The following TMEM233 variants were observed in gnomAD, a reference collection of about 807,000 sequenced individuals.
The protein encoded by TMEM233 is dispanin subfamily B member 2.
TMEM233 carries 6 observed loss-of-function variants against 11.2 expected under a neutral mutation model. The observed-to-expected ratio is 0.54, with a 90% CI of 0.29 to 1.06. The LOEUF (loss-of-function observed/expected upper bound fraction) is 1.06, where lower values mean the gene tolerates loss of function less well. Among genes scored for constraint, TMEM233 ranks in the 50% least tolerant of loss-of-function variants. The pLI, the probability that TMEM233 is intolerant of heterozygous loss-of-function variation, is 0.08. For missense variants in TMEM233, 127 were observed against 144.7 expected (o/e 0.88, Z 0.63); for synonymous variants, 59 against 55.8 (o/e 1.06, Z -0.26).
At chr12:119,615,601 A>G (rs1042873084) in intron 1 of TMEM233, among the ~76,000 whole-genome samples, 1 of 152,220 alleles carries the variant, frequency 6.6e-6, no homozygotes. Flanking sequence ...GAGATATAAA[A>G]ATATAACTTT....
Position 119,594,073 on chromosome 12 carries a change from ACCCGGGCGGCTTTGAGC to A in TMEM233, c.186+43_186+59del. 6.5e-7 allele frequency: 1 copy of A among 1,543,264 alleles called. No individual in the cohort carries two copies. The highest frequency in any genetic ancestry group is 1.4e-5 in the African/African-American group (1 of 72,708). Reference sequence around the variant, plus strand: ...GGCCAGAGGCAGCCTGGGAGGAGAGACCCGGGCGGCTTTGAGCCCCTGCAGGGGAGTCCGCGCGCTCT... The same window carrying A: ...GGCCAGAGGCAGCCTGGGAGGAGAGACCCTGCAGGGGAGTCCGCGCGCTCT... On this transcript the variant is annotated intron_variant, in intron 1 of 2. Coordinates refer to ENST00000426426, the MANE Select transcript of TMEM233 (RefSeq NM_001136534.3). The surrounding 1 kb of genome is among the most constrained non-coding windows in gnomAD (Gnocchi z 5.6).
intron 2 of TMEM233, among the ~76,000 whole-genome samples, chr12:119,637,405 A>G (rs1007043360): frequency 3.9e-5 from 6 of 152,208 alleles, no homozygotes; most frequent in African/African-American, 1.4e-4. Flanking sequence ...CAGAGTTAGA[A>G]GACCTTGACC....
At chr12:119,618,748 G>A (rs564245500) in intron 1 of TMEM233, among the ~76,000 whole-genome samples, 10 of 152,342 alleles carry the variant, frequency 6.6e-5, no homozygotes, top group African/African-American at 2.4e-4. Flanking sequence ...TATCTAGGAA[G>A]TGACTAACTT....
intron 1 of TMEM233, among the ~76,000 whole-genome samples, chr12:119,605,793 AC>A (rs1954268799): frequency 6.6e-6 from 1 of 151,624 alleles, no homozygotes; most frequent in Non-Finnish European, 1.5e-5. Flanking sequence ...TAACAGATTT[AC>A]CCCCATCAAT....
Position 119,594,100 on chromosome 12 carries a change from G to A in TMEM233, c.186+66G>A. On this transcript the variant is annotated intron_variant, in intron 1 of 2. Coordinates refer to ENST00000426426, the MANE Select transcript of TMEM233 (RefSeq NM_001136534.3). This position sits in a 1 kb window ranked among gnomAD's most constrained non-coding sequence, Gnocchi z 5.6. Reference sequence around the variant, plus strand: ...CCGGGCGGCTTTGAGCCCCTGCAGGGGAGTCCGCGCGCTCTCTGCGGCTCC... The same window carrying A: ...CCGGGCGGCTTTGAGCCCCTGCAGGAGAGTCCGCGCGCTCTCTGCGGCTCC... The A allele has an allele frequency of 6.7e-7, 1 of 1,492,076 alleles. No homozygotes were observed. The highest frequency in any genetic ancestry group is 1.3e-5 in the South Asian group (1 of 78,494). The allele number at this position is 1,492,076 out of a possible 1,614,324, so 92.4% of individuals were successfully genotyped here.
Position 119,599,250 on chromosome 12 carries a change from ATAACT to A in TMEM233, c.186+5220_186+5224del, listed in dbSNP as rs372534501. Among the ~76,000 whole-genome samples, 89 of 152,334 alleles carry A rather than the reference ATAACT, an allele frequency of 5.8e-4. No individual in the cohort carries two copies. The East Asian group carries it at 0.011, about 18-fold the overall frequency. ...CACAATAGGGTGACTGTAGTCAATA[ATAACT>A]TAATTGTAATTTTTAAATAACTTAA... On this transcript the variant is annotated intron_variant, in intron 1 of 2. Coordinates refer to ENST00000426426, the MANE Select transcript of TMEM233 (RefSeq NM_001136534.3).
chr12:119,645,666 G>GT (rs1324874151), downstream of TMEM233, among the ~76,000 whole-genome samples: 1 of 152,168 alleles, frequency 6.6e-6, no homozygotes, highest in Non-Finnish European at 1.5e-5. Flanking sequence ...GCATCAGAGA[G>GT]TTTCATCTCG....
rs146441233 is a variant in TMEM233, at chr12:119,617,765, G to A, written c.187-11971G>A. Among the ~76,000 whole-genome samples the A allele has an allele frequency of 2.9e-3, 441 of 152,218 alleles. 2 individuals carry two copies. The highest frequency in any genetic ancestry group is 0.01 in the African/African-American group (429 of 41,538). On this transcript the variant is annotated intron_variant, in intron 1 of 2. Coordinates refer to ENST00000426426, the MANE Select transcript of TMEM233 (RefSeq NM_001136534.3). ...AGAGAACTGCTTGAATCTGGGAGGT[G>A]GAGGTTGCAGTGAACCAAGATCACG...
intron 1 of TMEM233, among the ~76,000 whole-genome samples, chr12:119,603,600 C>T (rs1187146097): frequency 6.6e-6 from 1 of 152,126 alleles, no homozygotes; most frequent in Non-Finnish European, 1.5e-5. Context: ...GCTAGAAAAT[C>T]ACCTCCTCCA....
chr12:119,623,641 C>T (rs1454456247), intron 1 of TMEM233, among the ~76,000 whole-genome samples: 5 of 151,924 alleles, frequency 3.3e-5, no homozygotes, highest in African/African-American at 1.2e-4. Flanking sequence ...GATTACTCTC[C>T]CCAAAGATCC....
At chr12:119,619,902 A>T (rs571717569) in intron 1 of TMEM233, among the ~76,000 whole-genome samples, 2 of 152,178 alleles carry the variant, frequency 1.3e-5, no homozygotes, top group Non-Finnish European at 2.9e-5. Context: ...CTGGTTCATA[A>T]TATGTAAAAG....
rs57281003 is a variant in TMEM233, at chr12:119,606,618, G to A, written c.186+12584G>A. On this transcript the variant is annotated intron_variant, in intron 1 of 2. Coordinates refer to ENST00000426426, the MANE Select transcript of TMEM233 (RefSeq NM_001136534.3). Reference sequence around the variant, plus strand: ...ATAGCAAACAAAATGTAAAGTTCCCGAAAAAATTTAGGAAACACACAAGGT... The same window carrying A: ...ATAGCAAACAAAATGTAAAGTTCCCAAAAAAATTTAGGAAACACACAAGGT... 7.0e-4 allele frequency among the ~76,000 whole-genome samples: 106 copies of A among 152,112 alleles called. 1 individual carries two copies. In the East Asian group the frequency reaches 0.017, roughly 25 times the overall value.
At position 119,608,390 on chromosome 12, in the gene TMEM233, A is replaced by G. The variant is rs145256463; in HGVS notation, c.186+14356A>G. ...GGCAGACAGCAGCGACAATGTCTCC[A>G]TCACTTCAAACATCCCCCCCAGATT... On this transcript the variant is annotated intron_variant, in intron 1 of 2. Coordinates refer to ENST00000426426, the MANE Select transcript of TMEM233 (RefSeq NM_001136534.3). Among the ~76,000 whole-genome samples, 11 of 152,348 alleles carry G rather than the reference A, an allele frequency of 7.2e-5. No individual in the cohort carries two copies. The East Asian group carries it at 2.1e-3, about 29-fold the overall frequency.
intron 1 of TMEM233, among the ~76,000 whole-genome samples, chr12:119,616,828 G>C (rs1000339882): frequency 2.0e-5 from 3 of 152,100 alleles, no homozygotes; most frequent in African/African-American, 7.2e-5. Context: ...AAGATCTGAT[G>C]GTTCTGTAAG....
intron 1 of TMEM233, among the ~76,000 whole-genome samples, chr12:119,616,709 T>C (rs1780605982): frequency 6.6e-6 from 1 of 152,144 alleles, no homozygotes; most frequent in Non-Finnish European, 1.5e-5. Context: ...AATCTTGAAT[T>C]GTAGCTCCCA....
chr12:119,599,916 GA>G (rs1424830370), intron 1 of TMEM233, among the ~76,000 whole-genome samples: 1 of 152,046 alleles, frequency 6.6e-6, no homozygotes, highest in African/African-American at 2.4e-5. Flanking sequence ...GAGATTAATG[GA>G]AAGCTGCAAT....
Position 119,640,856 on chromosome 12 carries a change from GAAAAA to G in TMEM233, c.*164_*168del. ...AGGCAGGTCCCTGGCAAATGAACAA[GAAAAA>G]AAAAAAAAAAAAGTCCAAAATTTAG... On this transcript the variant is annotated 3_prime_UTR_variant, in exon 3 of 3. Transcript: ENST00000426426. The G allele has an allele frequency of 2.5e-6, 1 of 392,882 alleles. No individual in the cohort carries two copies. The highest frequency in any genetic ancestry group is 3.7e-6 in the Non-Finnish European group (1 of 267,356). The allele number at this position is 392,882 out of a possible 1,614,324, so 24.3% of individuals were successfully genotyped here. A position where few individuals can be genotyped will look rare whatever the true frequency, so the allele number is the denominator to read the frequency against.
At chr12:119,627,100 T>A (rs544655267) in intron 1 of TMEM233, among the ~76,000 whole-genome samples, 21 of 152,260 alleles carry the variant, frequency 1.4e-4, no homozygotes, top group Non-Finnish European at 2.1e-4. Context: ...TATTTATCAG[T>A]GAGTACAGAG....
intron 1 of TMEM233, among the ~76,000 whole-genome samples, chr12:119,601,530 C>A (rs1320991230): frequency 6.6e-6 from 1 of 151,838 alleles, no homozygotes; most frequent in Non-Finnish European, 1.5e-5. Flanking sequence ...TGGTGGCGGG[C>A]GCCTGTAGTC....
Sources: allele counts gnomAD v4.1 joint callset (sites outside exome capture counted in the v4.1 genomes callset), GRCh38; gene constraint gnomAD v4.1.1; non-coding constraint Gnocchi (gnomAD v3.1); transcripts MANE v1.5; gene names NCBI Gene and HGNC (gene_info 2026-07-23, HGNC 2026-07-21).